Variants in PDZRN3 observed in about 807,000 individuals in gnomAD.
The protein encoded by PDZRN3 is PDZ domain containing ring finger 3.
In PDZRN3, 38 loss-of-function variants were observed where a neutral mutation model predicts 85.7. The ratio of observed to expected loss-of-function variants is 0.44; its 90% confidence interval spans 0.34 to 0.58. The LOEUF is 0.58. PDZRN3 is among the 20% of genes least tolerant of loss of function. The pLI, the probability that PDZRN3 is intolerant of heterozygous loss-of-function variation, is 0.01. For synonymous variants in PDZRN3, 759 were observed against 638.0 expected (o/e 1.19, Z -2.86); for missense variants, 1,629 against 1,506.4 (o/e 1.08, Z -1.35).
intron 3 of PDZRN3, among the ~76,000 whole-genome samples, chr3:73,471,995 C>T (rs964988911): frequency 6.6e-6 from 1 of 152,204 alleles, no homozygotes; most frequent in Admixed American, 6.5e-5. Flanking sequence ...AAAAGACCAA[C>T]AAAGCCTTTT....
At chr3:73,565,182 G>A (rs1001804383) in intron 3 of PDZRN3, among the ~76,000 whole-genome samples, 10 of 148,368 alleles carry the variant, frequency 6.7e-5, no homozygotes, top group East Asian at 4.0e-4. Flanking sequence ...AGGCTGGAGC[G>A]CAGTGGTGTA....
At chr3:73,447,090 T>G (rs1184458112) in intron 3 of PDZRN3, among the ~76,000 whole-genome samples, 1 of 147,888 alleles carries the variant, frequency 6.8e-6, no homozygotes, top group East Asian at 2.0e-4. Flanking sequence ...ATATATTAGA[T>G]ATATATATTA....
intron 1 of PDZRN3, among the ~76,000 whole-genome samples, chr3:73,612,287 G>A (rs938593873): frequency 2.0e-5 from 3 of 152,162 alleles, no homozygotes; most frequent in Admixed American, 6.5e-5. Flanking sequence ...GGAAGGTCAC[G>A]ATTGGAACCC....
At chr3:73,463,973 C>A (rs1039795222) in intron 3 of PDZRN3, among the ~76,000 whole-genome samples, 3 of 152,084 alleles carry the variant, frequency 2.0e-5, no homozygotes, top group South Asian at 2.1e-4. Context: ...GCTATGTATT[C>A]TTTTTTATTT....
At chr3:73,541,920 T>C (rs1704933546) in intron 3 of PDZRN3, among the ~76,000 whole-genome samples, 1 of 152,180 alleles carries the variant, frequency 6.6e-6, no homozygotes, top group Non-Finnish European at 1.5e-5. Flanking sequence ...CTTGAAATAG[T>C]TTCAGCAGAG....
intron 3 of PDZRN3, among the ~76,000 whole-genome samples, chr3:73,578,092 T>C (rs1368223342): frequency 3.3e-5 from 5 of 152,192 alleles, no homozygotes; most frequent in Non-Finnish European, 1.5e-5. Flanking sequence ...CTAAACTCTC[T>C]GATGGATCCT....
At chr3:73,386,977 T>C (rs6797182) in intron 8 of PDZRN3, among the ~76,000 whole-genome samples, 102,387 of 152,126 alleles carry the variant, frequency 0.67, 35,033 homozygotes, top group East Asian at 0.84. Flanking sequence ...TGGGAGATAA[T>C]TGAATCATGG....
chr3:73,462,408 G>A (rs1703123799), intron 3 of PDZRN3, among the ~76,000 whole-genome samples: 3 of 152,040 alleles, frequency 2.0e-5, no homozygotes, highest in African/African-American at 7.2e-5. Flanking sequence ...AGCCAGGCGT[G>A]GTGGTGGGCC....
intron 3 of PDZRN3, among the ~76,000 whole-genome samples, chr3:73,501,854 A>C (rs1703986714): frequency 6.6e-6 from 1 of 152,140 alleles, no homozygotes; most frequent in Non-Finnish European, 1.5e-5. Flanking sequence ...ATCTCTGCTA[A>C]AAATACAAAA....
intron 3 of PDZRN3, among the ~76,000 whole-genome samples, chr3:73,508,622 A>C (rs1051500912): frequency 1.3e-5 from 2 of 152,166 alleles, no homozygotes; most frequent in Non-Finnish European, 2.9e-5. Flanking sequence ...GGAAGCCTTA[A>C]TTTCCAACCT....
chr3:73,552,133 G>A (rs140847955), intron 3 of PDZRN3, among the ~76,000 whole-genome samples: 282 of 151,946 alleles, frequency 1.9e-3, no homozygotes, highest in Non-Finnish European at 2.6e-3. Flanking sequence ...TCCTTCCCAC[G>A]TCCTCGTCTT....
At chr3:73,518,023 T>A (rs951037462) in intron 3 of PDZRN3, among the ~76,000 whole-genome samples, 4 of 152,212 alleles carry the variant, frequency 2.6e-5, no homozygotes. Flanking sequence ...CCCAAAAGAA[T>A]GGAAAGCAGG....
At chr3:73,543,534 C>T (rs1022316067) in intron 3 of PDZRN3, among the ~76,000 whole-genome samples, 1 of 152,242 alleles carries the variant, frequency 6.6e-6, no homozygotes, top group African/African-American at 2.4e-5. Context: ...ATTTGGTGCT[C>T]TCTCTTTCTC....
chr3:73,388,930 CAAAAA>C (rs10675308), intron 7 of PDZRN3, among the ~76,000 whole-genome samples: 24 of 67,684 alleles, frequency 3.5e-4, no homozygotes, highest in Admixed American at 4.4e-4. Flanking sequence ...CTCCAGCAAT[CAAAAA>C]AAAAAAAAAA....
chr3:73,497,219 G>GA (rs887206056), intron 3 of PDZRN3, among the ~76,000 whole-genome samples: 8 of 150,894 alleles, frequency 5.3e-5, no homozygotes, highest in African/African-American at 7.3e-5. Flanking sequence ...ACTCAGAACA[G>GA]AAAAAAAAAT....
intron 9 of PDZRN3, 150 bp from the exon 10 acceptor site, chr3:73,385,080 C>T (rs1701337387): frequency 2.3e-6 from 2 of 855,186 alleles, no homozygotes; most frequent in South Asian, 1.8e-5. Context: ...ACGTCAATAG[C>T]GTGGGCCTTA....
intron 3 of PDZRN3, among the ~76,000 whole-genome samples, chr3:73,507,087 C>T (rs1202928285): frequency 6.6e-6 from 1 of 152,144 alleles, no homozygotes; most frequent in Non-Finnish European, 1.5e-5. Flanking sequence ...TGGAACACTG[C>T]AAAGTAAAAG....
At chr3:73,410,907 T>G (rs920936895) in intron 3 of PDZRN3, among the ~76,000 whole-genome samples, 1 of 152,190 alleles carries the variant, frequency 6.6e-6, no homozygotes, top group Non-Finnish European at 1.5e-5. Context: ...AACATGTACA[T>G]TTTTGCATCA....
At chr3:73,495,689 A>ATGGCTC (rs1559708414) in intron 3 of PDZRN3, among the ~76,000 whole-genome samples, 1 of 152,060 alleles carries the variant, frequency 6.6e-6, no homozygotes, top group Non-Finnish European at 1.5e-5. Context: ...TAAGGCTAGA[A>ATGGCTC]CTTCTCTAGG....
Sources: gnomAD v4.1 joint callset for allele counts (sites outside exome capture counted in the v4.1 genomes callset) on GRCh38, gnomAD v4.1.1 for gene constraint, MANE v1.5 for transcripts, NCBI Gene and HGNC (gene_info 2026-07-23, HGNC 2026-07-21) for gene names.